Variants in SLC22A2 observed in about 807,000 individuals in gnomAD.
SLC22A2 encodes the protein organic cation transporter 2.
Under a neutral mutation model 60.5 loss-of-function variants are expected in SLC22A2, and 46 were observed. That is an observed-to-expected ratio of 0.76 (90% CI 0.60 to 0.97). The LOEUF (loss-of-function observed/expected upper bound fraction) is 0.97, where lower values mean the gene tolerates loss of function less well. Among genes scored for constraint, SLC22A2 ranks in the 50% least tolerant of loss-of-function variants. The pLI is 0.00. For missense variants in SLC22A2, 701 were observed against 706.6 expected, an observed-to-expected ratio of 0.99 and a Z score of 0.09; for synonymous variants, 303 against 267.0, an observed-to-expected ratio of 1.13 and a Z score of -1.31.
chr6:160,230,028 C>T (rs779770730), intron 9 of SLC22A2, among the ~76,000 whole-genome samples: 1 of 151,738 alleles, frequency 6.6e-6, no homozygotes, highest in Non-Finnish European at 1.5e-5. Context: ...CCAAATCTTG[C>T]TTCTTTCCCT....
chr6:160,237,027 A>C (rs1240044976), intron 9 of SLC22A2, among the ~76,000 whole-genome samples: 3 of 152,254 alleles, frequency 2.0e-5, no homozygotes, highest in Non-Finnish European at 4.4e-5. Context: ...GTCTTTAGCA[A>C]AAATGGGAAA....
At chr6:160,249,936 CG>C (rs1254806009) in intron 3 of SLC22A2, among the ~76,000 whole-genome samples, 1 of 152,148 alleles carries the variant, frequency 6.6e-6, no homozygotes, top group Admixed American at 6.5e-5. Flanking sequence ...TGGTTCAACC[CG>C]TTGGTATCAG....
intron 10 of SLC22A2, among the ~76,000 whole-genome samples, chr6:160,221,697 C>T (rs1782647033): frequency 6.6e-6 from 1 of 152,076 alleles, no homozygotes; most frequent in Non-Finnish European, 1.5e-5. Flanking sequence ...CATAGGAAGG[C>T]CCAAGGAGAG....
At chr6:160,224,671 T>C (rs138077434) in intron 10 of SLC22A2, 34 bp downstream of exon 10, 15 of 1,430,038 alleles carry the variant, frequency 1.0e-5, no homozygotes, top group African/African-American at 9.8e-5. Flanking sequence ...AAAACCTTTA[T>C]AGAACAATTC....
intron 10 of SLC22A2, among the ~76,000 whole-genome samples, chr6:160,220,372 A>G (rs1782626173): frequency 6.6e-6 from 1 of 152,164 alleles, no homozygotes; most frequent in South Asian, 2.1e-4. Context: ...TTCTTTTGCT[A>G]TTTCTATTGT....
chr6:160,245,694 ATTTTTTTT>A (rs11422120), intron 5 of SLC22A2, 149 bp from the exon 6 acceptor site: 2 of 163,926 alleles, frequency 1.2e-5, no homozygotes, highest in Non-Finnish European at 1.1e-5. Context: ...GTCCCATTTC[ATTTTTTTT>A]TTTTTTTTTT....
At chr6:160,238,224 A>G (rs1395787947) in intron 9 of SLC22A2, among the ~76,000 whole-genome samples, 1 of 152,216 alleles carries the variant, frequency 6.6e-6, no homozygotes, top group Non-Finnish European at 1.5e-5. Flanking sequence ...TAACAGAGAC[A>G]GGCTTGTTAT....
Position 160,233,174 on chromosome 6 carries a change from C to T in SLC22A2, c.1501+8300G>A, listed in dbSNP as rs935851848. On this transcript the variant is annotated intron_variant, in intron 9 of 10. Transcript: ENST00000366953. ...TTGACTTTACTCACATGCCCCGAGT[C>T]AGGAAACTAAAATACCTCTTGGTCT... Among the ~76,000 whole-genome samples the T allele has an allele frequency of 2.4e-4, 36 of 152,164 alleles. No individual in the cohort carries two copies. In the East Asian group the frequency reaches 6.9e-3, roughly 29 times the overall value.
At position 160,258,718 on chromosome 6, in the gene SLC22A2, C is replaced by A. The variant is rs1220789527; in HGVS notation, c.40G>T (p.Glu14Ter). ...ATTTGCTTCTGGAAAAAGTGAAACT[C>A]CCCTCCATGCTCCAGGACATCGTCC... ...TVDDVLEHGG[E>*]FHFFQKQMFF... Residue 14 changes from glutamate (E) to a stop codon, truncating the protein, a stop_gained, in exon 1 of 11, where the codon GAG becomes TAG. Coordinates refer to ENST00000366953, the MANE Select transcript of SLC22A2 (RefSeq NM_003058.4). LOFTEE classifies it high-confidence loss of function. 2 of 1,588,800 alleles carry A rather than the reference C, an allele frequency of 1.3e-6. No individual in the cohort carries two copies. Among genetic ancestry groups the A allele is most frequent in the Non-Finnish European group, 1.7e-6 (2 of 1,166,316 alleles).
chr6:160,221,121 C>A (rs927025259), intron 10 of SLC22A2, among the ~76,000 whole-genome samples: 4 of 152,320 alleles, frequency 2.6e-5, no homozygotes, highest in African/African-American at 4.8e-5. Flanking sequence ...TATTGAAAAT[C>A]TGTTGTTTAG....
rs1260080961 is a variant in SLC22A2, at chr6:160,217,103, T to C, written c.*329A>G. The C allele has an allele frequency of 4.9e-6, 1 of 206,086 alleles. No homozygotes were observed. The highest frequency in any genetic ancestry group is 5.9e-5 in the Admixed American group (1 of 16,894). The allele number at this position is 206,086 out of a possible 1,614,324, so 12.8% of individuals were successfully genotyped here. A position where few individuals can be genotyped will look rare whatever the true frequency, so the allele number is the denominator to read the frequency against. Reference sequence around the variant, plus strand: ...CTATTTTGTTTGCCTAGCCCACAGTTCCCCTATGTATTCTGGTTAGATAGC... The same window carrying C: ...CTATTTTGTTTGCCTAGCCCACAGTCCCCCTATGTATTCTGGTTAGATAGC... On this transcript the variant is annotated 3_prime_UTR_variant, in exon 11 of 11. Coordinates refer to ENST00000366953, the MANE Select transcript of SLC22A2 (RefSeq NM_003058.4).
At chr6:160,233,782 C>G (rs935874346) in intron 9 of SLC22A2, among the ~76,000 whole-genome samples, 1 of 151,864 alleles carries the variant, frequency 6.6e-6, no homozygotes, top group East Asian at 1.9e-4. Flanking sequence ...TAGGTTCCCA[C>G]GCTGCCCCTA....
At position 160,249,368 on chromosome 6, in the gene SLC22A2, C is replaced by A; in HGVS notation, c.690G>T (p.Gly230=). The A allele has an allele frequency of 6.2e-7, 1 of 1,613,298 alleles. No individual in the cohort carries two copies. The highest frequency in any genetic ancestry group is 8.5e-7 in the Non-Finnish European group (1 of 1,179,634). ...IGYILITEFV[G]RRYRRTVGIF... ...TCCCCACTGTTCTCCGATATCTCCG[C>A]CCAACAAATTCTGTAACTGCAGAGA... is the stretch of plus-strand genomic sequence containing the variant. The change falls in exon 4 of 11, where the codon GGG becomes GGT. Residue 230 remains glycine (G), a synonymous_variant. Coordinates refer to ENST00000366953, the MANE Select transcript of SLC22A2 (RefSeq NM_003058.4).
chr6:160,224,291 A>ATTTTTTTTTTTTTTTTTT (rs10666190), intron 10 of SLC22A2, among the ~76,000 whole-genome samples: 1 of 148,404 alleles, frequency 6.7e-6, no homozygotes. Flanking sequence ...CAAATCTGTT[A>ATTTTTTTTTTTTTTTTTT]TTTTTTTTTT....
intron 9 of SLC22A2, among the ~76,000 whole-genome samples, chr6:160,225,795 C>T (rs1367397233): frequency 6.6e-6 from 1 of 152,152 alleles, no homozygotes; most frequent in Admixed American, 6.5e-5. Flanking sequence ...CAATTAAAAC[C>T]ACCTTTGCAA....
intron 9 of SLC22A2, among the ~76,000 whole-genome samples, chr6:160,233,311 C>T (rs1256463668): frequency 6.6e-5 from 10 of 151,968 alleles, no homozygotes; most frequent in East Asian, 3.9e-4. Flanking sequence ...GGCCTTCCCA[C>T]CTCTATACAG....
intron 9 of SLC22A2, among the ~76,000 whole-genome samples, chr6:160,237,789 T>C (rs1051881514): frequency 1.6e-4 from 24 of 152,124 alleles, no homozygotes; most frequent in African/African-American, 5.8e-4. Context: ...AGATAGGAAG[T>C]TGGCACAAGA....
intron 9 of SLC22A2, among the ~76,000 whole-genome samples, chr6:160,229,388 G>A (rs1036728491): frequency 3.3e-5 from 5 of 151,916 alleles, no homozygotes; most frequent in African/African-American, 1.2e-4. Flanking sequence ...ACGGACTTGG[G>A]TTTAATCATG....
chr6:160,247,067 A>G, intron 5 of SLC22A2, 117 bp downstream of exon 5: 1 of 640,708 alleles, frequency 1.6e-6, no homozygotes, highest in South Asian at 1.9e-5. Flanking sequence ...AGGTAAGCCA[A>G]AATGCAAGGG....
Sources: allele counts gnomAD v4.1 joint callset (sites outside exome capture counted in the v4.1 genomes callset), GRCh38; gene constraint gnomAD v4.1.1; transcripts MANE v1.5; gene names NCBI Gene and HGNC (gene_info 2026-07-23, HGNC 2026-07-21).